Variants in XKR6 observed in about 807,000 individuals in gnomAD.
The protein encoded by XKR6 is XK related 6.
A neutral mutation model predicts 56.7 loss-of-function variants in XKR6; 22 were observed. The observed-to-expected ratio is 0.39, with a 90% confidence interval of 0.28 to 0.55. The LOEUF is 0.55. Among genes scored for constraint, XKR6 ranks in the 20% least tolerant of loss-of-function variants. The probability of loss-of-function intolerance (pLI) is 0.66; values close to 1 mark genes in which losing one functional copy is unlikely to be tolerated. For missense variants in XKR6, 852 were observed against 889.0 expected, an observed-to-expected ratio of 0.96 and a Z score of 0.53; for synonymous variants, 524 against 387.8, an observed-to-expected ratio of 1.35 and a Z score of -4.13.
In XKR6 at chr8:10,945,221, T is replaced by C. The variant is rs577224526; in HGVS notation, c.765-20391A>G. Among the ~76,000 whole-genome samples, 61 of 152,314 alleles carry C rather than the reference T, an allele frequency of 4.0e-4. 1 individual carries two copies. Among genetic ancestry groups the C allele is most frequent in the African/African-American group, 1.3e-3 (53 of 41,568 alleles). On this transcript the variant is annotated intron_variant, in intron 1 of 2. Transcript: ENST00000416569. Reference sequence around the variant, plus strand: ...AAATGCTGTTGCGCACGGTGGCTCATACCTGCAGTCCCAGCACTTTGGGAG... The same window carrying C: ...AAATGCTGTTGCGCACGGTGGCTCACACCTGCAGTCCCAGCACTTTGGGAG...
intron 1 of XKR6, among the ~76,000 whole-genome samples, chr8:11,103,641 A>C (rs943472619): frequency 6.6e-6 from 1 of 152,172 alleles, no homozygotes; most frequent in Non-Finnish European, 1.5e-5. Context: ...CTAATTCCTA[A>C]GGGAGAACTT....
chr8:10,954,233 A>G (rs1159704484), intron 1 of XKR6, among the ~76,000 whole-genome samples: 1 of 152,214 alleles, frequency 6.6e-6, no homozygotes, highest in Admixed American at 6.5e-5. Flanking sequence ...TTTTGGAGGA[A>G]CCAGCAAGTT....
At chr8:11,169,173 C>T (rs2117039851) in intron 1 of XKR6, among the ~76,000 whole-genome samples, 1 of 152,086 alleles carries the variant, frequency 6.6e-6, no homozygotes, top group African/African-American at 2.4e-5. Flanking sequence ...TCATAGTTGG[C>T]AACCCTCTTC....
intron 1 of XKR6, among the ~76,000 whole-genome samples, chr8:10,932,228 G>A (rs779328403): frequency 1.3e-5 from 2 of 152,232 alleles, no homozygotes; most frequent in East Asian, 3.9e-4. Flanking sequence ...CACGAATACA[G>A]AGCAACTAGA....
intron 1 of XKR6, among the ~76,000 whole-genome samples, chr8:11,072,878 C>A (rs559528682): frequency 6.6e-6 from 1 of 152,076 alleles, no homozygotes; most frequent in Non-Finnish European, 1.5e-5. Flanking sequence ...GGTGAAACCC[C>A]ATCTCTACTA....
intron 1 of XKR6, among the ~76,000 whole-genome samples, chr8:11,098,883 G>T (rs1293566791): frequency 6.6e-6 from 1 of 152,088 alleles, no homozygotes; most frequent in Non-Finnish European, 1.5e-5. Flanking sequence ...TTGCATCTTG[G>T]AAACTTCTGG....
chr8:11,000,462 C>T (rs138437111), intron 1 of XKR6, among the ~76,000 whole-genome samples: 166 of 152,288 alleles, frequency 1.1e-3, no homozygotes, highest in African/African-American at 3.8e-3. Context: ...GAGGTGGATG[C>T]ATCACTTGAC....
chr8:10,904,379 G>A (rs1800125802), intron 2 of XKR6, among the ~76,000 whole-genome samples: 2 of 152,166 alleles, frequency 1.3e-5, no homozygotes, highest in African/African-American at 4.8e-5. Flanking sequence ...TTCCAGAAAT[G>A]GAACGGCCAC....
chr8:11,171,595 C>G (rs1305226692), intron 1 of XKR6, among the ~76,000 whole-genome samples: 1 of 152,186 alleles, frequency 6.6e-6, no homozygotes, highest in Non-Finnish European at 1.5e-5. Context: ...CTGGCTCTCT[C>G]CTGCTTTCCT....
At chr8:11,110,363 A>G (rs1223998598) in intron 1 of XKR6, among the ~76,000 whole-genome samples, 8 of 152,086 alleles carry the variant, frequency 5.3e-5, no homozygotes, top group African/African-American at 1.9e-4. Flanking sequence ...AAAAGGAGCC[A>G]GGGGTATTGG....
At chr8:10,938,008 C>T (rs903509498) in intron 1 of XKR6, among the ~76,000 whole-genome samples, 2 of 151,856 alleles carry the variant, frequency 1.3e-5, no homozygotes, top group Non-Finnish European at 2.9e-5. Flanking sequence ...GCCTCGCTGC[C>T]GCCTTGCAGT....
intron 1 of XKR6, among the ~76,000 whole-genome samples, chr8:11,040,168 C>G (rs962304218): frequency 5.9e-5 from 9 of 151,990 alleles, no homozygotes; most frequent in African/African-American, 2.2e-4. Context: ...ATAAGGTCCA[C>G]GATGCCCTAC....
chr8:11,033,398 C>T (rs550687852), intron 1 of XKR6, among the ~76,000 whole-genome samples: 171 of 129,186 alleles, frequency 1.3e-3, no homozygotes, highest in Non-Finnish European at 2.3e-3. Flanking sequence ...ATGATGATGA[C>T]GATAGTGATG....
At chr8:10,918,529 G>A (rs1309448769) in intron 2 of XKR6, among the ~76,000 whole-genome samples, 2 of 152,244 alleles carry the variant, frequency 1.3e-5, no homozygotes, top group Non-Finnish European at 2.9e-5. Flanking sequence ...GGTTTCTGCA[G>A]AATCCGCACA....
chr8:11,098,581 G>C (rs1466713408), intron 1 of XKR6, among the ~76,000 whole-genome samples: 1 of 152,146 alleles, frequency 6.6e-6, no homozygotes, highest in East Asian at 1.9e-4. Context: ...CCATAGGCTA[G>C]GATGACTATG....
intron 1 of XKR6, among the ~76,000 whole-genome samples, chr8:11,093,879 G>A (rs1237042271): frequency 4.0e-5 from 6 of 149,910 alleles, no homozygotes; most frequent in Non-Finnish European, 3.0e-5. Flanking sequence ...TGCCTCCCGG[G>A]TTCACGCCAT....
chr8:11,007,505 C>G (rs1249434325), intron 1 of XKR6, among the ~76,000 whole-genome samples: 1 of 152,170 alleles, frequency 6.6e-6, no homozygotes, highest in African/African-American at 2.4e-5. Flanking sequence ...CGAAGAAACA[C>G]AGCCAGTAAT....
rs929326200 is a variant in XKR6 at position 10,912,115 on chromosome 8, TAG to T, written c.961+12517_961+12518del. Among the ~76,000 whole-genome samples, 9 of 148,460 alleles carry T rather than the reference TAG, an allele frequency of 6.1e-5. No homozygotes were observed. The South Asian group carries it at 6.4e-4, about 11-fold the overall frequency. Reference sequence around the variant, plus strand: ...ATATATCTGTGTGTGTGTATATATATAGAGAGAGAGCGCTAGAGAGAGGTGTA... The same window carrying T: ...ATATATCTGTGTGTGTGTATATATATAGAGAGAGCGCTAGAGAGAGGTGTA... On this transcript the variant is annotated intron_variant, in intron 2 of 2. Transcript: ENST00000416569.
intron 1 of XKR6, among the ~76,000 whole-genome samples, chr8:10,959,529 T>C (rs1801999551): frequency 6.6e-6 from 1 of 152,194 alleles, no homozygotes; most frequent in Non-Finnish European, 1.5e-5. Context: ...CTCTTCCTAC[T>C]TGCAGACAGC....
Sources: allele counts gnomAD v4.1 joint callset (sites outside exome capture counted in the v4.1 genomes callset), GRCh38; gene constraint gnomAD v4.1.1; transcripts MANE v1.5; gene names NCBI Gene and HGNC (gene_info 2026-07-23, HGNC 2026-07-21).